CDK12: variants seen among roughly 807,000 people sequenced by gnomAD.
The protein encoded by CDK12 is cyclin dependent kinase 12, also known as cyclin-dependent kinase 12.
CDK12 carries 17 observed loss-of-function variants against 133.8 expected under a neutral mutation model. The observed-to-expected ratio is 0.13, with a 90% CI of 0.09 to 0.19. The LOEUF (loss-of-function observed/expected upper bound fraction) is 0.19, where lower values mean the gene tolerates loss of function less well. Among genes scored for constraint, CDK12 ranks in the 10% least tolerant of loss-of-function variants. The probability of loss-of-function intolerance (pLI) is 1.00; values close to 1 mark genes in which losing one functional copy is unlikely to be tolerated. For synonymous variants in CDK12, 694 were observed against 683.6 expected, an observed-to-expected ratio of 1.02 and a Z score of -0.24; for missense variants, 1,508 against 1,818.7, an observed-to-expected ratio of 0.83 and a Z score of 3.11.
At chr17:39,511,381 A>G (rs2053499888) in intron 7 of CDK12, 148 bp from the exon 8 acceptor site, 3 of 559,830 alleles carry the variant, frequency 5.4e-6, no homozygotes, top group Non-Finnish European at 9.7e-6. Context: ...ACTTCTGAAC[A>G]GTTTGCTTTT....
intron 1 of CDK12, among the ~76,000 whole-genome samples, chr17:39,463,750 C>T (rs2049105820): frequency 6.6e-6 from 1 of 151,854 alleles, no homozygotes; most frequent in African/African-American, 2.4e-5. Flanking sequence ...TTCTTTACAG[C>T]ATCATCACTG....
chr17:39,490,790 A>G, intron 3 of CDK12, 57 bp downstream of exon 3: 1 of 1,318,806 alleles, frequency 7.6e-7, no homozygotes, highest in Non-Finnish European at 1.1e-6. Context: ...CTTTTGAACT[A>G]AATCTCTCAT....
Position 39,489,794 on chromosome 17 carries a change from A to ATT in CDK12, c.1932-746_1932-745dup, listed in dbSNP as rs375969591. ...GGCTTGAGCCACCGTGCCTGGCCTA[A>ATT]TTTTTTTTTTTTTTTTTTAATTTTT... is the stretch of plus-strand genomic sequence containing the variant. On this transcript the variant is annotated intron_variant, in intron 2 of 13. Coordinates refer to ENST00000447079, the MANE Select transcript of CDK12 (RefSeq NM_016507.4). 1.3e-3 allele frequency among the ~76,000 whole-genome samples: 167 copies of ATT among 126,052 alleles called. 1 individual carries two copies. Among genetic ancestry groups the ATT allele is most frequent in the South Asian group, 2.7e-3 (10 of 3,734 alleles). 82.7% of individuals were successfully genotyped at this position (126,052 alleles called of 152,430 possible). A position where few individuals can be genotyped will look rare whatever the true frequency, so the allele number is the denominator to read the frequency against.
At chr17:39,511,144 G>C (rs1040749137) in intron 7 of CDK12, among the ~76,000 whole-genome samples, 1 of 149,628 alleles carries the variant, frequency 6.7e-6, no homozygotes, top group African/African-American at 2.5e-5. Context: ...GAACCTGGGA[G>C]GCGGAGCTTG....
intron 2 of CDK12, among the ~76,000 whole-genome samples, chr17:39,555,827 CTACACACACACA>C (rs2056134931): frequency 1.6e-5 from 2 of 121,326 alleles, no homozygotes; most frequent in Non-Finnish European, 3.3e-5. Context: ...AACCTCATCT[CTACACACACACA>C]CACACACACA....
chr17:39,559,956 A>C (rs1352855261), intron 3 of CDK12, among the ~76,000 whole-genome samples: 1 of 151,890 alleles, frequency 6.6e-6, no homozygotes, highest in Non-Finnish European at 1.5e-5. Context: ...ATGCCAGACT[A>C]ATTTTTAAAT....
chr17:39,539,005 A>G (rs759034033), downstream of CDK12, among the ~76,000 whole-genome samples: 30 of 152,216 alleles, frequency 2.0e-4, no homozygotes, highest in Non-Finnish European at 3.8e-4. Flanking sequence ...GTGGTAGACC[A>G]CGTTTTTCTC....
intron 13 of CDK12, among the ~76,000 whole-genome samples, chr17:39,528,098 T>C (rs2146768774): frequency 6.6e-6 from 1 of 151,094 alleles, no homozygotes; most frequent in East Asian, 2.0e-4. Flanking sequence ...TTTTGTATTT[T>C]TAGTAGAGAT....
intron 3 of CDK12, among the ~76,000 whole-genome samples, chr17:39,491,226 TGTC>T (rs754702340): frequency 1.2e-4 from 19 of 152,154 alleles, no homozygotes; most frequent in Non-Finnish European, 2.4e-4. Context: ...CACGTATTAT[TGTC>T]GTAGTTTTAT....
chr17:39,472,266 G>A (rs2049851370), intron 2 of CDK12, among the ~76,000 whole-genome samples: 1 of 152,010 alleles, frequency 6.6e-6, no homozygotes, highest in Non-Finnish European at 1.5e-5. Context: ...TTACAGGCAT[G>A]AGCCACCATC....
chr17:39,508,072 T>A (rs2053246043), intron 6 of CDK12, among the ~76,000 whole-genome samples: 1 of 152,176 alleles, frequency 6.6e-6, no homozygotes, highest in South Asian at 2.1e-4. Flanking sequence ...ATTTCAGATT[T>A]TTTTTAGATT....
intron 6 of CDK12, among the ~76,000 whole-genome samples, chr17:39,504,894 A>AAAAC (rs1204243577): frequency 6.6e-6 from 1 of 150,392 alleles, no homozygotes; most frequent in Non-Finnish European, 1.5e-5. Flanking sequence ...AAAAAAAAAA[A>AAAAC]AAAAACGCTA....
At chr17:39,520,125 C>T in intron 11 of CDK12, 38 bp downstream of exon 11, 3 of 1,610,890 alleles carry the variant, frequency 1.9e-6, no homozygotes, top group Non-Finnish European at 1.7e-6. Flanking sequence ...CTAAATCTTT[C>T]CCTGGGCCTT....
Position 39,462,257 on chromosome 17 carries a change from C to G in CDK12, c.186C>G (p.Ser62=), listed in dbSNP as rs2049010868. ...GGTTGGTGACCCCCGAAGCAGCATC[C>G]CTGGGCACAGTTATCAAACCTTTGG... ...DMGLVTPEAA[S]LGTVIKPLVE... Residue 62 remains serine (S), a synonymous_variant, in exon 1 of 14, where the codon TCC becomes TCG. Coordinates refer to ENST00000447079, the MANE Select transcript of CDK12 (RefSeq NM_016507.4). The G allele has an allele frequency of 6.2e-7, 1 of 1,614,180 alleles. No individual in the cohort carries two copies. The highest frequency in any genetic ancestry group is 8.5e-7 in the Non-Finnish European group (1 of 1,180,040).
chr17:39,517,278 C>A (rs1403620169), intron 9 of CDK12, among the ~76,000 whole-genome samples, 162 bp from the exon 10 acceptor site: 2 of 152,048 alleles, frequency 1.3e-5, no homozygotes, highest in African/African-American at 4.8e-5. Flanking sequence ...GCCTTTCTGC[C>A]CTTAAAGCAG....
In CDK12 at chr17:39,481,688, CTCTCTCTCTCTCTCTCTCTCTCTT is replaced by C. The variant is rs2050707357; in HGVS notation, c.1932-8863_1932-8840del. On this transcript the variant is annotated intron_variant, in intron 2 of 13. Transcript: ENST00000447079. ...TCTCTCTCTCTCTCTCTCTCTCTCT[CTCTCTCTCTCTCTCTCTCTCTCTT>C]TCTCTTTTCTTTTTTCTTTTTTTTT... Among the ~76,000 whole-genome samples, 22 of 23,270 alleles carry C rather than the reference CTCTCTCTCTCTCTCTCTCTCTCTT, an allele frequency of 9.5e-4. 2 individuals carry two copies. The highest frequency in any genetic ancestry group is 1.4e-3 in the African/African-American group (12 of 8,692). 15.3% of individuals were successfully genotyped at this position (23,270 alleles called of 152,430 possible).
At chr17:39,463,154 G>T in intron 1 of CDK12, 37 bp downstream of exon 1, 2 of 1,574,592 alleles carry the variant, frequency 1.3e-6, no homozygotes, top group Non-Finnish European at 1.7e-6. Flanking sequence ...CTCATTTAGG[G>T]TGGGTTGCGA....
rs2144894753 is a variant in CDK12, at chr17:39,462,762, T to C, written c.691T>C (p.Ser231Pro). The change falls in exon 1 of 14, where the codon TCC becomes CCC. Residue 231 changes from serine (S) to proline (P), a missense_variant. Coordinates refer to ENST00000447079, the MANE Select transcript of CDK12 (RefSeq NM_016507.4). ...CCCCCACAGGAAGTGGTCTGACAGC[T>C]CCAAACAAGATGATAGCCCCTCGGG... is the stretch of plus-strand genomic sequence containing the variant. Reference protein sequence around the residue: ...RSPHRKWSDSSKQDDSPSGAS... With the variant: ...RSPHRKWSDSPKQDDSPSGAS... The C allele has an allele frequency of 6.2e-7, 1 of 1,614,010 alleles. No homozygotes were observed. The highest frequency in any genetic ancestry group is 8.5e-7 in the Non-Finnish European group (1 of 1,180,000).
downstream of CDK12, among the ~76,000 whole-genome samples, chr17:39,537,170 A>G (rs2055170859): frequency 6.6e-6 from 1 of 151,884 alleles, no homozygotes; most frequent in African/African-American, 2.4e-5. Flanking sequence ...TATCTGATGG[A>G]CTCTCTAGGA....
Sources: allele counts gnomAD v4.1 joint callset (sites outside exome capture counted in the v4.1 genomes callset), GRCh38; gene constraint gnomAD v4.1.1; transcripts MANE v1.5; gene names NCBI Gene and HGNC (gene_info 2026-07-23, HGNC 2026-07-21).